RBPJ: variants seen among roughly 807,000 people sequenced by gnomAD.
The protein encoded by RBPJ is recombining binding protein suppressor of hairless.
A neutral mutation model predicts 67.8 loss-of-function variants in RBPJ; 9 were observed. The ratio of observed to expected loss-of-function variants is 0.13; its 90% CI spans 0.08 to 0.23. RBPJ has a LOEUF of 0.23. Ranked by LOEUF, RBPJ falls within the 10% of genes least tolerant of loss-of-function variation. The probability of loss-of-function intolerance (pLI) is 1.00; values close to 1 mark genes in which losing one functional copy is unlikely to be tolerated. For missense variants in RBPJ, 305 were observed against 595.6 expected, an observed-to-expected ratio of 0.51 and a Z score of 5.08; for synonymous variants, 198 against 203.3, an observed-to-expected ratio of 0.97 and a Z score of 0.22.
chr4:26,365,850 A>C (rs1326152265), intron 1 of RBPJ, among the ~76,000 whole-genome samples: 1 of 152,242 alleles, frequency 6.6e-6, no homozygotes, highest in Non-Finnish European at 1.5e-5. Flanking sequence ...AGAGTAGAAG[A>C]ACATAGCAGC....
intron 1 of RBPJ, among the ~76,000 whole-genome samples, chr4:26,385,500 G>A (rs1239524540): frequency 6.6e-6 from 1 of 152,140 alleles, no homozygotes; most frequent in Non-Finnish European, 1.5e-5. Flanking sequence ...TCTTACTCTA[G>A]AGTCTTTATC....
chr4:26,420,802 G>T, intron 5 of RBPJ, 77 bp downstream of exon 5: 3 of 1,270,516 alleles, frequency 2.4e-6, no homozygotes, highest in South Asian at 3.4e-5. Context: ...ATTAAAAATT[G>T]CCTTTTCAAT....
At chr4:26,215,403 G>GAGGGA (rs145781715) in intron 1 of RBPJ, among the ~76,000 whole-genome samples, 488 of 16,826 alleles carry the variant, frequency 0.029, 10 homozygotes, top group Non-Finnish European at 0.039. Flanking sequence ...GGAAGGAAGG[G>GAGGGA]GGGGGAAGGA....
chr4:26,130,462 C>T, the RBPJ span, among the ~76,000 whole-genome samples: 3 of 152,184 alleles, frequency 2.0e-5, no homozygotes, highest in Non-Finnish European at 4.4e-5. Flanking sequence ...TCTTGAGAAG[C>T]ATGCCGGCTG....
intron 1 of RBPJ, among the ~76,000 whole-genome samples, chr4:26,275,448 C>T (rs1721047482): frequency 6.6e-6 from 1 of 152,054 alleles, no homozygotes; most frequent in South Asian, 2.1e-4. Flanking sequence ...GCCAGTGGGG[C>T]AGGAAGGGAA....
At chr4:26,129,155 G>C in the RBPJ span, among the ~76,000 whole-genome samples, 2 of 152,166 alleles carry the variant, frequency 1.3e-5, no homozygotes, top group Admixed American at 1.3e-4. Context: ...GGCAAATGAT[G>C]TCATTCCCAT....
At chr4:26,221,257 A>AT (rs1346119089) in intron 1 of RBPJ, among the ~76,000 whole-genome samples, 1 of 151,860 alleles carries the variant, frequency 6.6e-6, no homozygotes. Context: ...CGCCCGGCTA[A>AT]TTTTTTGTAT....
chr4:26,105,606 A>T, the RBPJ span, among the ~76,000 whole-genome samples: 1 of 152,204 alleles, frequency 6.6e-6, no homozygotes, highest in African/African-American at 2.4e-5. Flanking sequence ...TCCTGTTTCC[A>T]GTGGAACTGG....
intron 1 of RBPJ, among the ~76,000 whole-genome samples, chr4:26,253,307 C>CTTTTTTTTTTTT (rs1182769419): frequency 1.0e-4 from 12 of 114,398 alleles, no homozygotes; most frequent in African/African-American, 3.6e-4. Context: ...TCTGCTATTT[C>CTTTTTTTTTTTT]TTTTTTTTTT....
In RBPJ at chr4:26,214,573, AAAAG is replaced by A. The variant is rs1211558775; in HGVS notation, c.-167+50968_-167+50971del. Among the ~76,000 whole-genome samples, 1,366 of 136,646 alleles carry A rather than the reference AAAAG, an allele frequency of 1.0e-2. 41 individuals carry two copies. The highest frequency in any genetic ancestry group is 0.029 in the African/African-American group (1,038 of 35,400). 89.6% of individuals were successfully genotyped at this position (136,646 alleles called of 152,430 possible). On this transcript the variant is annotated intron_variant, in intron 1 of 4. Transcript: ENST00000512351. The stretch of plus-strand genomic sequence containing the variant: ...GGAGGGAAAAGAGAGAGAAAAGAGA[AAAAG>A]AAAGAAAGGAAGGAAGGGAGGAAAC...
intron 2 of RBPJ, among the ~76,000 whole-genome samples, chr4:26,393,840 T>TA (rs968876972): frequency 9.6e-4 from 141 of 147,516 alleles, no homozygotes; most frequent in Non-Finnish European, 1.4e-3. Context: ...TTTTATTCCT[T>TA]AAAAAAAAAA....
At chr4:26,163,124 C>G (rs1300564859), upstream of RBPJ, among the ~76,000 whole-genome samples, 3 of 150,490 alleles carry the variant, frequency 2.0e-5, no homozygotes, top group African/African-American at 7.5e-5. Context: ...AGTATTTTAA[C>G]TCATCAGAAA....
At chr4:26,181,213 T>C (rs1387100839) in intron 1 of RBPJ, among the ~76,000 whole-genome samples, 1 of 152,224 alleles carries the variant, frequency 6.6e-6, no homozygotes. Context: ...ATTTCTCTTC[T>C]GACTTTCCTG....
At chr4:26,149,307 T>C in the RBPJ span, among the ~76,000 whole-genome samples, 2 of 152,226 alleles carry the variant, frequency 1.3e-5, no homozygotes, top group African/African-American at 2.4e-5. Flanking sequence ...CTTCAGTGAT[T>C]TGTCAAGTGG....
chr4:26,389,400 A>G (rs1004920428), intron 2 of RBPJ, among the ~76,000 whole-genome samples: 3 of 151,560 alleles, frequency 2.0e-5, no homozygotes, highest in Non-Finnish European at 4.4e-5. Flanking sequence ...TGCTGTGGAT[A>G]AGACAGAGCA....
intron 1 of RBPJ, among the ~76,000 whole-genome samples, chr4:26,201,302 A>G (rs1317698167): frequency 1.3e-5 from 2 of 152,194 alleles, no homozygotes; most frequent in African/African-American, 2.4e-5. Flanking sequence ...TTGGAGACGG[A>G]AAAAGGATGG....
At chr4:26,354,636 G>A (rs544592468) in intron 1 of RBPJ, among the ~76,000 whole-genome samples, 94 of 152,022 alleles carry the variant, frequency 6.2e-4, no homozygotes, top group Admixed American at 2.1e-3. Flanking sequence ...TTTTAGTAGA[G>A]ACCGGGTTTC....
chr4:26,137,718 G>A, the RBPJ span, among the ~76,000 whole-genome samples: 1 of 152,216 alleles, frequency 6.6e-6, no homozygotes, highest in Non-Finnish European at 1.5e-5. Context: ...TTCACTGTCA[G>A]GCACAGCTGT....
chr4:26,246,300 A>G (rs1719926803), intron 1 of RBPJ, among the ~76,000 whole-genome samples: 1 of 152,096 alleles, frequency 6.6e-6, no homozygotes, highest in South Asian at 2.1e-4. Context: ...ATTTATTCCG[A>G]AGTAGTTTAT....
Sources: gnomAD v4.1 joint callset for allele counts (sites outside exome capture counted in the v4.1 genomes callset) on GRCh38, gnomAD v4.1.1 for gene constraint, MANE v1.5 for transcripts, NCBI Gene and HGNC (gene_info 2026-07-23, HGNC 2026-07-21) for gene names.